TBCD: variants seen among roughly 807,000 people sequenced by gnomAD.
The protein encoded by TBCD is tubulin-specific chaperone D.
A neutral mutation model predicts 169.3 loss-of-function variants in TBCD; 105 were observed. The ratio of observed to expected loss-of-function variants is 0.62; its 90% CI spans 0.53 to 0.73. The LOEUF (loss-of-function observed/expected upper bound fraction) is 0.73, where lower values mean the gene tolerates loss of function less well. Ranked by LOEUF, TBCD falls within the 30% of genes least tolerant of loss-of-function variation. The pLI is 0.00. For synonymous variants in TBCD, 700 were observed against 643.9 expected, an observed-to-expected ratio of 1.09 and a Z score of -1.32; for missense variants, 1,444 against 1,600.1, an observed-to-expected ratio of 0.90 and a Z score of 1.66.
intron 8 of TBCD, among the ~76,000 whole-genome samples, chr17:82,799,263 T>G (rs2050321970): frequency 6.6e-6 from 1 of 151,694 alleles, no homozygotes; most frequent in Non-Finnish European, 1.5e-5. Flanking sequence ...GCCAACATAG[T>G]GAAACCCCAT....
At chr17:82,830,404 G>A (rs764351949) in intron 13 of TBCD, 1 of 1,611,664 alleles carries the variant, frequency 6.2e-7, no homozygotes, top group Non-Finnish European at 8.5e-7. Flanking sequence ...CTGGCACAGG[G>A]CCACGGCTGC....
chr17:82,821,036 G>C (rs991705431), intron 13 of TBCD, among the ~76,000 whole-genome samples: 6 of 152,138 alleles, frequency 3.9e-5, no homozygotes, highest in Non-Finnish European at 7.4e-5. Flanking sequence ...GCTTACTGCA[G>C]CCTCAACCTC....
chr17:82,885,433 C>G (rs942239986), intron 15 of TBCD, among the ~76,000 whole-genome samples: 6 of 152,182 alleles, frequency 3.9e-5, no homozygotes, highest in Non-Finnish European at 8.8e-5. Context: ...AAGTCTTTCT[C>G]TGCCTCAGGT....
rs1331972698 is a variant in TBCD, at chr17:82,874,426, T to C, written c.1475+4046T>C. On this transcript the variant is annotated intron_variant, in intron 14 of 38. Coordinates refer to ENST00000355528, the MANE Select transcript of TBCD (RefSeq NM_005993.5). The surrounding 1 kb of genome is among the most constrained non-coding windows in gnomAD (Gnocchi z 5.0). ...GGAGGTCCTGGGTGCGTCTCCACCA[T>C]GGCTCCCGGGTTCCCTTGCGCACAC... 1.3e-5 allele frequency among the ~76,000 whole-genome samples: 2 copies of C among 152,118 alleles called. No homozygotes were observed. Among genetic ancestry groups the C allele is most frequent in the Non-Finnish European group, 2.9e-5 (2 of 67,992 alleles).
At chr17:82,814,375 C>T (rs1406402730) in intron 12 of TBCD, among the ~76,000 whole-genome samples, 12 of 152,174 alleles carry the variant, frequency 7.9e-5, no homozygotes, top group South Asian at 2.1e-4. Context: ...CCACCTGGGA[C>T]GGCACAGACG....
At position 82,830,723 on chromosome 17, in the gene TBCD, T is replaced by C; in HGVS notation, c.1318+15789T>C. On this transcript the variant is annotated intron_variant, in intron 13 of 38. Transcript: ENST00000355528. ...TCCGCCTGGGGGCTGCCTTGGTACG[T>C]GGGTTCGTGGGTGGCTGCCAGGTTT... 3 of 1,613,608 alleles carry C rather than the reference T, an allele frequency of 1.9e-6. No homozygotes were observed. In the South Asian group the frequency reaches 3.3e-5, roughly 18 times the overall value.
intron 26 of TBCD, 31 bp from the exon 27 acceptor site, chr17:82,924,908 G>T: frequency 1.3e-6 from 2 of 1,525,398 alleles, no homozygotes; most frequent in Non-Finnish European, 1.8e-6. Flanking sequence ...GCAGCAGAGG[G>T]CCTCTCTTCA....
intron 6 of TBCD, among the ~76,000 whole-genome samples, chr17:82,774,038 C>CTTT (rs34066502): frequency 0.011 from 1,533 of 138,502 alleles, 38 homozygotes; most frequent in African/African-American, 0.039. Flanking sequence ...CCGAGTGTGT[C>CTTT]TTTTTTTTTT....
At position 82,938,101 on chromosome 17, in the gene TBCD, C is replaced by A; in HGVS notation, c.3334C>A (p.Gln1112Lys). The change falls in exon 36 of 39, where the codon CAG becomes AAG. Residue 1112 changes from glutamine to lysine, a missense_variant. Gln to Lys is a moderately conservative substitution (Grantham distance 53). Coordinates refer to ENST00000355528, the MANE Select transcript of TBCD (RefSeq NM_005993.5). Reference protein sequence around the residue: ...PGDVRRQALLQLCLLLCHRFP... With the variant: ...PGDVRRQALLKLCLLLCHRFP... ...CGACGTGAGGAGGCAGGCCCTCCTG[C>A]AGCTGTGTCTGCTCCTCTGCCACCG... 6.2e-7 allele frequency: 1 copy of A among 1,612,870 alleles called. No individual in the cohort carries two copies. The highest frequency in any genetic ancestry group is 8.5e-7 in the Non-Finnish European group (1 of 1,179,868).
At chr17:82,905,466 C>T (rs1215596939) in intron 19 of TBCD, among the ~76,000 whole-genome samples, 2 of 145,478 alleles carry the variant, frequency 1.4e-5, no homozygotes, top group South Asian at 2.1e-4. Flanking sequence ...TGCGTGTGGG[C>T]GTCCCACAGG....
intron 13 of TBCD, among the ~76,000 whole-genome samples, chr17:82,848,727 C>T (rs56249965): frequency 6.6e-6 from 1 of 152,036 alleles, no homozygotes; most frequent in African/African-American, 2.4e-5. Context: ...AAAATAGATG[C>T]GAACAGACAA....
At chr17:82,770,415 C>T (rs1207006533) in intron 5 of TBCD, among the ~76,000 whole-genome samples, 1 of 151,750 alleles carries the variant, frequency 6.6e-6, no homozygotes, top group Non-Finnish European at 1.5e-5. Flanking sequence ...GCCTGACCAA[C>T]ATGGAGAAAC....
intron 20 of TBCD, among the ~76,000 whole-genome samples, chr17:82,906,717 A>C (rs2060273095): frequency 6.6e-6 from 1 of 152,246 alleles, no homozygotes; most frequent in Non-Finnish European, 1.5e-5. Flanking sequence ...TGCTGGAGAC[A>C]GTTCCCTGGG....
rs563325518 is a variant in TBCD, at chr17:82,797,781, C to T, written c.796C>T (p.Arg266Cys). 5.8e-6 allele frequency: 9 copies of T among 1,547,036 alleles called. No homozygotes were observed. In the South Asian group the frequency reaches 7.2e-5, roughly 12 times the overall value. The change falls in exon 8 of 39, where the codon CGT becomes TGT. Residue 266 changes from arginine (R) to cysteine (C), a missense_variant. Transcript: ENST00000355528. ...ALAQIFKHGK[R>C]EDCLPYAATV... is the part of the protein sequence containing the mutation. ...GGCACAAATATTTAAACATGGAAAA[C>T]GTGAAGACTGTTTGCCCTATGGTAA...
rs1450294748 is a variant in TBCD at position 82,800,809 on chromosome 17, G to A, written c.818-55G>A. The A allele has an allele frequency of 6.4e-6, 10 of 1,564,764 alleles. No individual in the cohort carries two copies. The East Asian group carries it at 1.9e-4, about 30-fold the overall frequency. On this transcript the variant is annotated intron_variant, in intron 8 of 38. Coordinates refer to ENST00000355528, the MANE Select transcript of TBCD (RefSeq NM_005993.5). ...TGTTGGTTTCGGGGACACAGGTGGT[G>A]CAGTCAGAAGATGCCTGCAGCCCTT...
At chr17:82,848,329 G>A (rs1215712851) in intron 13 of TBCD, among the ~76,000 whole-genome samples, 2 of 150,826 alleles carry the variant, frequency 1.3e-5, no homozygotes, top group African/African-American at 2.4e-5. Flanking sequence ...TTGGCGCTGC[G>A]GCTTCTGTGT....
chr17:82,936,495 T>TA (rs1240170921), intron 34 of TBCD, among the ~76,000 whole-genome samples: 8 of 152,130 alleles, frequency 5.3e-5, no homozygotes, highest in African/African-American at 1.9e-4. Flanking sequence ...ACTTGTCTGG[T>TA]ATTGTGTTCT....
At chr17:82,899,907 T>C (rs572373266) in intron 17 of TBCD, among the ~76,000 whole-genome samples, 1 of 152,366 alleles carries the variant, frequency 6.6e-6, no homozygotes, top group African/African-American at 2.4e-5. Context: ...GCCTTTTATT[T>C]ATTTTCTTTT....
Position 82,943,777 on chromosome 17 carries a change from A to C in TBCD, c.*1314A>C, listed in dbSNP as rs1388311903. ...GCCAATGGTCTTTATACCCTAAAAG[A>C]GCCTTGGGTTACATTTTTACGAGAT... On this transcript the variant is annotated 3_prime_UTR_variant, in exon 39 of 39. Transcript: ENST00000355528. The C allele has an allele frequency of 6.6e-6, 1 of 152,184 alleles. No homozygotes were observed. The highest frequency in any genetic ancestry group is 2.4e-5 in the African/African-American group (1 of 41,426). 9.4% of individuals were successfully genotyped at this position (152,184 alleles called of 1,614,324 possible).
Sources: allele counts gnomAD v4.1 joint callset (sites outside exome capture counted in the v4.1 genomes callset), GRCh38; gene constraint gnomAD v4.1.1; non-coding constraint Gnocchi (gnomAD v3.1); transcripts MANE v1.5; gene names NCBI Gene and HGNC (gene_info 2026-07-23, HGNC 2026-07-21).